DLG2: variants seen among roughly 807,000 people sequenced by gnomAD.
DLG2 encodes the protein disks large homolog 2.
DLG2 carries 45 observed loss-of-function variants against 132.5 expected under a neutral mutation model. That is an observed-to-expected ratio of 0.34 (90% CI 0.27 to 0.44). The LOEUF (loss-of-function observed/expected upper bound fraction) is 0.44, where lower values mean the gene tolerates loss of function less well. DLG2 is among the 20% of genes least tolerant of loss of function. The probability of loss-of-function intolerance (pLI) is 1.00; values close to 1 mark genes in which losing one functional copy is unlikely to be tolerated. For synonymous variants in DLG2, 424 were observed against 419.6 expected (o/e 1.01, Z -0.13); for missense variants, 1,045 against 1,196.9 (o/e 0.87, Z 1.87).
chr11:84,300,756 GTTC>G (rs1367710208), intron 7 of DLG2, among the ~76,000 whole-genome samples: 2 of 152,144 alleles, frequency 1.3e-5, no homozygotes, highest in Non-Finnish European at 2.9e-5. Context: ...CTATAGCAAT[GTTC>G]TTCAATTTTT....
At chr11:85,056,555 T>C (rs1321107909) in intron 6 of DLG2, among the ~76,000 whole-genome samples, 3 of 152,014 alleles carry the variant, frequency 2.0e-5, no homozygotes, top group South Asian at 2.1e-4. Flanking sequence ...ACTCTGAGTA[T>C]TGAAAGAGAG....
intron 7 of DLG2, among the ~76,000 whole-genome samples, chr11:84,479,079 T>C (rs1378366350): frequency 2.0e-5 from 3 of 152,120 alleles, no homozygotes; most frequent in Non-Finnish European, 4.4e-5. Context: ...CTGTACTGTT[T>C]GCTCATAACA....
chr11:83,790,440 C>A, intron 17 of DLG2: 1 of 1,121,836 alleles, frequency 8.9e-7, no homozygotes, highest in Admixed American at 1.7e-5. Flanking sequence ...CCTTGTTTTG[C>A]AAGATCTTTT....
chr11:84,040,547 T>A (rs1223495297), intron 11 of DLG2, among the ~76,000 whole-genome samples: 2 of 152,052 alleles, frequency 1.3e-5, no homozygotes, highest in Admixed American at 1.3e-4. Context: ...GCGGCATTAT[T>A]TCTGAGGGCT....
intron 5 of DLG2, among the ~76,000 whole-genome samples, chr11:85,127,728 T>C (rs1182497061): frequency 6.6e-6 from 1 of 152,164 alleles, no homozygotes; most frequent in Admixed American, 6.5e-5. Flanking sequence ...AGGAAACCAT[T>C]TGTTGCCTTG....
intron 11 of DLG2, among the ~76,000 whole-genome samples, chr11:83,993,084 T>C (rs560686605): frequency 1.3e-5 from 2 of 152,294 alleles, no homozygotes; most frequent in African/African-American, 2.4e-5. Flanking sequence ...GATATAAGCA[T>C]GGAAAATATA....
intron 6 of DLG2, among the ~76,000 whole-genome samples, chr11:84,930,287 A>G (rs1336951376): frequency 6.6e-6 from 1 of 152,138 alleles, no homozygotes; most frequent in Non-Finnish European, 1.5e-5. Context: ...TTTGTGCCTA[A>G]AATTCATCTC....
intron 18 of DLG2, among the ~76,000 whole-genome samples, chr11:83,650,646 T>C (rs2069949333): frequency 6.6e-6 from 1 of 152,230 alleles, no homozygotes; most frequent in African/African-American, 2.4e-5. Context: ...TTTCTTTTTC[T>C]TTAAACACGC....
At position 85,417,575 on chromosome 11, in the gene DLG2, C is replaced by A. The variant is rs147716238; in HGVS notation, c.41-132210G>T. On this transcript the variant is annotated intron_variant, in intron 3 of 27. Transcript: ENST00000376104. ...TTCGGCTGTGAATCTATCTGGTCCT[C>A]AGCTTTTTTTGGTTGGTAGGCTATT... Among the ~76,000 whole-genome samples, 464 of 152,058 alleles carry A rather than the reference C, an allele frequency of 3.1e-3. 1 individual carries two copies. The highest frequency in any genetic ancestry group is 0.011 in the African/African-American group (447 of 41,538).
intron 5 of DLG2, among the ~76,000 whole-genome samples, chr11:85,120,734 T>C (rs994370444): frequency 3.3e-5 from 5 of 152,170 alleles, no homozygotes; most frequent in African/African-American, 9.6e-5. Context: ...TCAAAATTCT[T>C]GCTGGCATAG....
chr11:85,289,925 A>C (rs774441404), intron 3 of DLG2, among the ~76,000 whole-genome samples: 18 of 152,168 alleles, frequency 1.2e-4, no homozygotes, highest in Non-Finnish European at 4.4e-5. Flanking sequence ...TAGTAGAAAT[A>C]GTTGTTCACC....
At chr11:84,050,540 A>G (rs926239375) in intron 11 of DLG2, among the ~76,000 whole-genome samples, 55 of 151,898 alleles carry the variant, frequency 3.6e-4, no homozygotes, top group Non-Finnish European at 1.3e-4. Context: ...CCATTTGTCA[A>G]TTTTGACTTT....
intron 18 of DLG2, among the ~76,000 whole-genome samples, chr11:83,644,167 A>T (rs537226992): frequency 2.6e-5 from 4 of 152,276 alleles, no homozygotes; most frequent in African/African-American, 7.2e-5. Flanking sequence ...CACTCAGCAT[A>T]CATACAACTA....
At chr11:83,892,098 G>A (rs1000783342) in intron 15 of DLG2, among the ~76,000 whole-genome samples, 1 of 152,066 alleles carries the variant, frequency 6.6e-6, no homozygotes, top group East Asian at 1.9e-4. Flanking sequence ...GGTAAGAATC[G>A]CCTCTTTCTC....
chr11:85,382,159 A>C (rs2085946146), intron 3 of DLG2, among the ~76,000 whole-genome samples: 1 of 152,160 alleles, frequency 6.6e-6, no homozygotes. Flanking sequence ...CATGGTACTG[A>C]CATAATAAAA....
intron 7 of DLG2, among the ~76,000 whole-genome samples, chr11:84,474,594 G>C (rs2099116817): frequency 6.6e-6 from 1 of 152,038 alleles, no homozygotes; most frequent in Non-Finnish European, 1.5e-5. Flanking sequence ...TTCTATACAT[G>C]AGGCAACAGG....
At chr11:85,473,216 C>G (rs73503537) in intron 3 of DLG2, among the ~76,000 whole-genome samples, 1 of 152,226 alleles carries the variant, frequency 6.6e-6, no homozygotes, top group East Asian at 1.9e-4. Flanking sequence ...CCAAGCACAG[C>G]CTGCTGGGCT....
At chr11:84,313,760 T>C (rs1296563140) in intron 7 of DLG2, among the ~76,000 whole-genome samples, 16 of 152,184 alleles carry the variant, frequency 1.1e-4, no homozygotes, top group Admixed American at 1.0e-3. Flanking sequence ...GAGTCTCCAC[T>C]GTTCTGTGCT....
chr11:84,467,858 C>T (rs1442441703), intron 7 of DLG2, among the ~76,000 whole-genome samples: 1 of 151,372 alleles, frequency 6.6e-6, no homozygotes, highest in Non-Finnish European at 1.5e-5. Context: ...GATAATCTGG[C>T]TATCTACTTA....
Sources: gnomAD v4.1 joint callset for allele counts (sites outside exome capture counted in the v4.1 genomes callset) on GRCh38, gnomAD v4.1.1 for gene constraint, MANE v1.5 for transcripts, NCBI Gene and HGNC (gene_info 2026-07-23, HGNC 2026-07-21) for gene names.